The following MEGF10 variants were observed in gnomAD, a reference collection of about 807,000 sequenced individuals.
MEGF10 encodes multiple epidermal growth factor-like domains protein 10.
A neutral mutation model predicts 147.5 loss-of-function variants in MEGF10; 86 were observed. That is an observed-to-expected ratio of 0.58 (90% confidence interval 0.49 to 0.70). The LOEUF (loss-of-function observed/expected upper bound fraction) is 0.70. Ranked by LOEUF, MEGF10 falls within the 30% of genes least tolerant of loss-of-function variation. The probability of loss-of-function intolerance (pLI) is 0.00; values close to 1 mark genes in which losing one functional copy is unlikely to be tolerated. For synonymous variants in MEGF10, 478 were observed against 525.5 expected (o/e 0.91, Z 1.24); for missense variants, 1,329 against 1,487.3 (o/e 0.89, Z 1.75).
intron 10 of MEGF10, 77 bp from the exon 11 acceptor site, chr5:127,419,043 A>G (rs912558739): frequency 6.7e-7 from 1 of 1,485,230 alleles, no homozygotes; most frequent in Non-Finnish European, 9.1e-7. Flanking sequence ...CATTGCCAAG[A>G]TATATTTTTG....
intron 13 of MEGF10, among the ~76,000 whole-genome samples, chr5:127,428,641 T>C (rs1159416943): frequency 6.6e-6 from 1 of 152,248 alleles, no homozygotes; most frequent in Non-Finnish European, 1.5e-5. Flanking sequence ...CAAATATCTC[T>C]CTTTGCTCTA....
At chr5:127,354,475 C>T (rs906681981) in intron 4 of MEGF10, among the ~76,000 whole-genome samples, 2 of 152,118 alleles carry the variant, frequency 1.3e-5, no homozygotes, top group African/African-American at 2.4e-5. Context: ...CTGCCTGGAA[C>T]ATTGTGTTTA....
At chr5:127,341,395 A>G (rs1761678960) in intron 4 of MEGF10, among the ~76,000 whole-genome samples, 2 of 150,258 alleles carry the variant, frequency 1.3e-5, no homozygotes, top group Non-Finnish European at 2.9e-5. Flanking sequence ...TGAGTAGCAC[A>G]GAGAGAAGGT....
At chr5:127,238,983 A>G in the MEGF10 span, among the ~76,000 whole-genome samples, 1 of 152,186 alleles carries the variant, frequency 6.6e-6, no homozygotes, top group African/African-American at 2.4e-5. Context: ...GAGGTGATAT[A>G]TTGAGAAGGA....
At chr5:127,242,271 G>A in the MEGF10 span, among the ~76,000 whole-genome samples, 1 of 152,122 alleles carries the variant, frequency 6.6e-6, no homozygotes, top group Non-Finnish European at 1.5e-5. Flanking sequence ...GATAGCACCA[G>A]TACTAGAAGA....
At chr5:127,451,594 G>A (rs17164941) in intron 22 of MEGF10, among the ~76,000 whole-genome samples, 10,413 of 152,134 alleles carry the variant, frequency 0.068, 1,194 homozygotes, top group African/African-American at 0.24. Context: ...ACCAACCAGC[G>A]CTAGTGAAAG....
At chr5:127,371,180 A>G (rs1355430944) in intron 5 of MEGF10, among the ~76,000 whole-genome samples, 3 of 147,062 alleles carry the variant, frequency 2.0e-5, no homozygotes, top group Admixed American at 6.8e-5. Context: ...TACCTTAAAC[A>G]GGGACTGGGA....
the MEGF10 span, among the ~76,000 whole-genome samples, chr5:127,269,792 A>G: frequency 1.3e-5 from 2 of 152,222 alleles, no homozygotes; most frequent in African/African-American, 4.8e-5. Flanking sequence ...CAGATTCACC[A>G]AAGTTGAAAT....
intron 5 of MEGF10, among the ~76,000 whole-genome samples, chr5:127,393,576 T>A (rs992081222): frequency 2.0e-5 from 3 of 152,218 alleles, no homozygotes; most frequent in African/African-American, 7.2e-5. Flanking sequence ...ATAGACCATG[T>A]TGATGTATGG....
chr5:127,439,097 C>A (rs928732085), intron 17 of MEGF10, among the ~76,000 whole-genome samples: 3 of 152,192 alleles, frequency 2.0e-5, no homozygotes, highest in Non-Finnish European at 4.4e-5. Flanking sequence ...CCATTTTTAT[C>A]AACTGGTAGT....
intron 1 of MEGF10, among the ~76,000 whole-genome samples, chr5:127,295,272 CATTCAGTGT>C (rs1466522772): frequency 6.6e-6 from 1 of 152,202 alleles, no homozygotes; most frequent in Non-Finnish European, 1.5e-5. Context: ...TTAGACACAG[CATTCAGTGT>C]ATACTCCATT....
intron 9 of MEGF10, among the ~76,000 whole-genome samples, chr5:127,411,031 GA>G (rs57542916): frequency 0.051 from 7,711 of 150,844 alleles, 222 homozygotes; most frequent in Middle Eastern, 0.1. Context: ...ATCTGTGGAA[GA>G]AAAAAAAAGG....
At chr5:127,390,952 G>T (rs1202640813) in intron 5 of MEGF10, among the ~76,000 whole-genome samples, 1 of 152,092 alleles carries the variant, frequency 6.6e-6, no homozygotes, top group Non-Finnish European at 1.5e-5. Context: ...GTTTCATAGG[G>T]TCACTATGAG....
At chr5:127,360,484 CT>C (rs1762429865) in intron 4 of MEGF10, among the ~76,000 whole-genome samples, 1 of 151,710 alleles carries the variant, frequency 6.6e-6, no homozygotes, top group Non-Finnish European at 1.5e-5. Flanking sequence ...TTTTCCTTGC[CT>C]TATTACACTT....
intron 8 of MEGF10, among the ~76,000 whole-genome samples, chr5:127,407,935 C>A (rs1429377525): frequency 3.9e-5 from 6 of 152,164 alleles, no homozygotes; most frequent in African/African-American, 7.2e-5. Context: ...CCTACAAGTG[C>A]AACATTGACA....
chr5:127,331,934 A>G (rs902450883), intron 2 of MEGF10, among the ~76,000 whole-genome samples: 1 of 152,048 alleles, frequency 6.6e-6, no homozygotes, highest in Non-Finnish European at 1.5e-5. Flanking sequence ...GAAGAACTGA[A>G]TAAGATGAGT....
chr5:127,393,705 T>C (rs1239625092), intron 5 of MEGF10, among the ~76,000 whole-genome samples: 1 of 152,238 alleles, frequency 6.6e-6, no homozygotes, highest in African/African-American at 2.4e-5. Context: ...ATTAACCATG[T>C]CAGCATGATA....
At chr5:127,432,064 G>A (rs1042454384) in intron 13 of MEGF10, among the ~76,000 whole-genome samples, 1 of 152,160 alleles carries the variant, frequency 6.6e-6, no homozygotes, top group African/African-American at 2.4e-5. Context: ...TTTATGAACA[G>A]ACCTGGTCTC....
chr5:127,246,985 A>AATATATATAT, the MEGF10 span, among the ~76,000 whole-genome samples: 363 of 104,168 alleles, frequency 3.5e-3, 15 homozygotes, highest in Middle Eastern at 0.02. Context: ...GTATAAAAAG[A>AATATATATAT]ATATATATAT....
Sources: allele counts gnomAD v4.1 joint callset (sites outside exome capture counted in the v4.1 genomes callset), GRCh38; gene constraint gnomAD v4.1.1; transcripts MANE v1.5; gene names NCBI Gene and HGNC (gene_info 2026-07-23, HGNC 2026-07-21).